Variants in NTRK3 observed in about 807,000 individuals in gnomAD.
NTRK3 encodes the protein neurotrophic receptor tyrosine kinase 3.
A neutral mutation model predicts 91.7 loss-of-function variants in NTRK3; 24 were observed. The observed-to-expected ratio is 0.26, with a 90% confidence interval of 0.19 to 0.37. The LOEUF is 0.37. Among genes scored for constraint, NTRK3 ranks in the 10% least tolerant of loss-of-function variants. The pLI, the probability that NTRK3 is intolerant of heterozygous loss-of-function variation, is 1.00. For synonymous variants in NTRK3, 483 were observed against 404.0 expected (o/e 1.20, Z -2.34); for missense variants, 880 against 1,068.9 (o/e 0.82, Z 2.46).
At chr15:88,099,176 G>A (rs1310558799) in intron 13 of NTRK3, 8 of 230,454 alleles carry the variant, frequency 3.5e-5, no homozygotes, top group East Asian at 6.2e-5. Context: ...GGAGGTGACC[G>A]GTACAGTGTA....
At chr15:87,997,405 CA>C (rs1567204440) in intron 14 of NTRK3, among the ~76,000 whole-genome samples, 1 of 152,258 alleles carries the variant, frequency 6.6e-6, no homozygotes, top group Admixed American at 6.5e-5. Context: ...ATATATCCTT[CA>C]AAATTCTCAG....
intron 18 of NTRK3, 120 bp from the exon 20 acceptor site, chr15:87,877,240 C>A (rs2064990856): frequency 3.0e-6 from 3 of 1,001,434 alleles, no homozygotes; most frequent in Non-Finnish European, 3.1e-6. Flanking sequence ...GAGGCTCTCA[C>A]AAGCACAAGC....
At chr15:87,903,912 C>T (rs2066598882) in intron 17 of NTRK3, among the ~76,000 whole-genome samples, 1 of 152,170 alleles carries the variant, frequency 6.6e-6, no homozygotes, top group South Asian at 2.1e-4. Context: ...GACATCTTCA[C>T]TGCAACCAGA....
At chr15:87,969,730 C>A (rs2141263282) in intron 14 of NTRK3, among the ~76,000 whole-genome samples, 1 of 152,312 alleles carries the variant, frequency 6.6e-6, no homozygotes, top group African/African-American at 2.4e-5. Flanking sequence ...GGAGAATGAC[C>A]CCTCAAGCTT....
chr15:87,916,682 A>G (rs2067472055), intron 17 of NTRK3: 4 of 662,136 alleles, frequency 6.0e-6, no homozygotes, highest in Non-Finnish European at 1.1e-5. Context: ...TTAGGGGGCT[A>G]AATATTTTTA....
chr15:88,198,409 A>G (rs1310280927), intron 3 of NTRK3, among the ~76,000 whole-genome samples: 2 of 152,152 alleles, frequency 1.3e-5, no homozygotes, highest in African/African-American at 4.8e-5. Context: ...ATGTCAGTGG[A>G]GCTGAATGTC....
chr15:88,183,281 G>A, intron 5 of NTRK3, 137 bp downstream of exon 5: 1 of 800,988 alleles, frequency 1.2e-6, no homozygotes. Context: ...GGCAAAATTG[G>A]AAGCCCAATA....
At chr15:88,119,080 A>G (rs2151042797) in intron 13 of NTRK3, among the ~76,000 whole-genome samples, 1 of 152,312 alleles carries the variant, frequency 6.6e-6, no homozygotes, top group East Asian at 1.9e-4. Context: ...GATGCAAGGG[A>G]ACAGTTGGTT....
At chr15:88,196,215 G>A (rs1359612384) in intron 3 of NTRK3, among the ~76,000 whole-genome samples, 1 of 152,218 alleles carries the variant, frequency 6.6e-6, no homozygotes, top group Non-Finnish European at 1.5e-5. Flanking sequence ...GTCACTAGGA[G>A]GAAAGGGAGT....
At chr15:88,059,932 A>G (rs2046059103) in intron 13 of NTRK3, among the ~76,000 whole-genome samples, 1 of 152,180 alleles carries the variant, frequency 6.6e-6, no homozygotes, top group Admixed American at 6.5e-5. Flanking sequence ...TGAAGATACA[A>G]TGAGAAGAGC....
chr15:87,940,163 C>A (rs976235499), intron 15 of NTRK3, among the ~76,000 whole-genome samples: 1 of 152,158 alleles, frequency 6.6e-6, no homozygotes, highest in African/African-American at 2.4e-5. Flanking sequence ...CCTCCCTCAA[C>A]ATCTATTCTC....
chr15:88,255,302 G>C lies in NTRK3; in HGVS notation c.248+604C>G, dbSNP rs774037845. Reference sequence around the variant, plus strand: ...AGAGGGCGGGCTGCAGGAGGGGAAGGGAAGAGGTAGGCGTCCATGACGGCC... The same window carrying C: ...AGAGGGCGGGCTGCAGGAGGGGAAGCGAAGAGGTAGGCGTCCATGACGGCC... On this transcript the variant is annotated intron_variant, in intron 3 of 18. Transcript: ENST00000394480. The surrounding 1 kb of genome is among the most constrained non-coding windows in gnomAD (Gnocchi z 4.3). 1.3e-5 allele frequency among the ~76,000 whole-genome samples: 2 copies of C among 152,170 alleles called. No homozygotes were observed. The highest frequency in any genetic ancestry group is 4.8e-5 in the African/African-American group (2 of 41,440).
chr15:87,994,499 C>A (rs888119457), intron 14 of NTRK3, among the ~76,000 whole-genome samples: 1 of 152,244 alleles, frequency 6.6e-6, no homozygotes, highest in East Asian at 1.9e-4. Flanking sequence ...AGCAAACTAC[C>A]AAAGCTAGAA....
At chr15:88,138,122 G>T (rs190666515) in intron 6 of NTRK3, among the ~76,000 whole-genome samples, 2 of 151,400 alleles carry the variant, frequency 1.3e-5, no homozygotes, top group African/African-American at 4.9e-5. Context: ...AGATATCAGC[G>T]GCCGGGCGTG....
Position 88,132,153 on chromosome 15 carries a change from G to A in NTRK3, c.1204+2948C>T, listed in dbSNP as rs546167295. 1.0e-3 allele frequency: 185 copies of A among 179,408 alleles called. No homozygotes were observed. The Middle Eastern group carries it at 0.013, about 13-fold the overall frequency. The allele number at this position is 179,408 out of a possible 1,614,324, so 11.1% of individuals were successfully genotyped here. A position where few individuals can be genotyped will look rare whatever the true frequency, so the allele number is the denominator to read the frequency against. The stretch of plus-strand genomic sequence containing the variant: ...CAGAGCCCTGGCAACGTGGTTCCAT[G>A]ACAACTAGCCTAGACTACCTTAACA... On this transcript the variant is annotated intron_variant, in intron 10 of 18. Coordinates refer to ENST00000394480, the Ensembl canonical transcript of NTRK3.
intron 13 of NTRK3, among the ~76,000 whole-genome samples, chr15:88,101,548 C>T (rs1387866657): frequency 2.6e-5 from 4 of 152,210 alleles, no homozygotes; most frequent in Admixed American, 2.0e-4. Flanking sequence ...AATCATGCTG[C>T]TATAAAGACA....
rs1245811956 is a variant in NTRK3 at position 88,237,237 on chromosome 15, T to C, written c.248+18669A>G. ...GTCTAGGGCGTAGTTTTATGGATGT[T>C]CACAGCAAAATTTTCAACTTCTCTG... On this transcript the variant is annotated intron_variant, in intron 3 of 18. Transcript: ENST00000394480. This position sits in a 1 kb window ranked among gnomAD's most constrained non-coding sequence, Gnocchi z 4.0. Among the ~76,000 whole-genome samples, 1 of 152,184 alleles carries C rather than the reference T, an allele frequency of 6.6e-6. No homozygotes were observed. The highest frequency in any genetic ancestry group is 1.5e-5 in the Non-Finnish European group (1 of 68,030).
chr15:88,070,460 G>T (rs1167585110), intron 13 of NTRK3, among the ~76,000 whole-genome samples: 1 of 152,150 alleles, frequency 6.6e-6, no homozygotes, highest in Non-Finnish European at 1.5e-5. Context: ...TCTGGATGTG[G>T]TGAAAGGAGC....
At chr15:88,135,207 G>T in exon 10 of NTRK3, 1 of 1,614,254 alleles carries the variant, frequency 6.2e-7, no homozygotes, top group Non-Finnish European at 8.5e-7. Context: ...GGGTGGGCTT[G>T]TTGAAGAGCA....
Sources: allele counts gnomAD v4.1 joint callset (sites outside exome capture counted in the v4.1 genomes callset), GRCh38; gene constraint gnomAD v4.1.1; non-coding constraint Gnocchi (gnomAD v3.1); transcripts MANE v1.5; gene names NCBI Gene and HGNC (gene_info 2026-07-23, HGNC 2026-07-21).